Variants in PER3 observed in about 807,000 individuals in gnomAD.
The protein encoded by PER3 is period circadian protein homolog 3.
A neutral mutation model predicts 127.2 loss-of-function variants in PER3; 107 were observed. The ratio of observed to expected loss-of-function variants is 0.84; its 90% CI spans 0.72 to 0.99. The LOEUF (loss-of-function observed/expected upper bound fraction) is 0.99. Ranked by LOEUF, PER3 falls within the 50% of genes least tolerant of loss-of-function variation. The pLI is 0.00. For synonymous variants in PER3, 618 were observed against 585.8 expected (o/e 1.05, Z -0.79); for missense variants, 1,560 against 1,525.8 (o/e 1.02, Z -0.37).
At position 7,843,879 on chromosome 1, in the gene PER3, C is replaced by T; in HGVS notation, c.*1124C>T. Reference sequence around the variant, plus strand: ...TGATTGTTTACTTGATAAATCAGCTCACTCTCTGGTGCTTTTTAGAGAAGT... The same window carrying T: ...TGATTGTTTACTTGATAAATCAGCTTACTCTCTGGTGCTTTTTAGAGAAGT... On this transcript the variant is annotated 3_prime_UTR_variant, in exon 22 of 22. Transcript: ENST00000377532. 3.2e-6 allele frequency: 4 copies of T among 1,238,148 alleles called. No individual in the cohort carries two copies. The highest frequency in any genetic ancestry group is 4.2e-6 in the Non-Finnish European group (4 of 959,592). 76.7% of individuals were successfully genotyped at this position (1,238,148 alleles called of 1,614,324 possible). A position where few individuals can be genotyped will look rare whatever the true frequency, so the allele number is the denominator to read the frequency against.
chr1:7,833,330 A>G (rs1410462459), intron 19 of PER3, among the ~76,000 whole-genome samples: 3 of 152,222 alleles, frequency 2.0e-5, no homozygotes, highest in Admixed American at 2.0e-4. Flanking sequence ...CTGATTTTCT[A>G]TCTGTTTTAT....
rs568589828 is a variant in PER3, at chr1:7,819,331, T to C, written c.1569T>C (p.Asn523=). ...FTSFHQTLKN[N]SVYTEPCEDL... ...CCTTCCACCAAACACTGAAAAACAA[T>C]AGTGTGTACACTGAGCCCTGTGAGG... Residue 523 remains asparagine, a synonymous_variant, in exon 14 of 22, where the codon AAT becomes AAC. Transcript: ENST00000377532. 6 of 1,613,204 alleles carry C rather than the reference T, an allele frequency of 3.7e-6. No individual in the cohort carries two copies. The South Asian group carries it at 4.4e-5, about 12-fold the overall frequency.
At chr1:7,818,311 A>G (rs145394568) in intron 13 of PER3, among the ~76,000 whole-genome samples, 2 of 152,310 alleles carry the variant, frequency 1.3e-5, no homozygotes, top group African/African-American at 4.8e-5. Context: ...CAAGTCTAAA[A>G]TTATTTCAAA....
chr1:7,800,538 A>G (rs946882155), intron 7 of PER3, among the ~76,000 whole-genome samples: 2 of 152,144 alleles, frequency 1.3e-5, no homozygotes, highest in Non-Finnish European at 2.9e-5. Flanking sequence ...AGAACTGACC[A>G]TACCAATTTT....
intron 18 of PER3, among the ~76,000 whole-genome samples, chr1:7,829,594 A>C (rs745425469): frequency 6.6e-6 from 1 of 152,196 alleles, no homozygotes; most frequent in Non-Finnish European, 1.5e-5. Context: ...AAATAAAGGG[A>C]TGATTCCTAT....
At chr1:7,794,277 A>G (rs2150553368) in intron 6 of PER3, among the ~76,000 whole-genome samples, 1 of 152,238 alleles carries the variant, frequency 6.6e-6, no homozygotes, top group Non-Finnish European at 1.5e-5. Context: ...GGCGGATCAC[A>G]AGGTCAAGGG....
intron 13 of PER3, among the ~76,000 whole-genome samples, chr1:7,815,007 T>G (rs1159919157): frequency 1.3e-5 from 2 of 152,150 alleles, no homozygotes; most frequent in Admixed American, 6.5e-5. Flanking sequence ...AGAAACCAAA[T>G]GGACTGAAGC....
rs755032501 is a variant in PER3, at chr1:7,803,827, T to G, written c.1115T>G (p.Ile372Ser). The change falls in exon 10 of 22, where the codon ATT becomes AGT. Residue 372 changes from isoleucine to serine, a missense_variant. This residue lies in a region of PER3 where 1,332 missense variants were observed against 1,223.6 expected (regional missense o/e 1.09). Transcript: ENST00000377532. Reference protein sequence around the residue: ...NPWSRKISFIIGRHKVRTSPL... With the variant: ...NPWSRKISFISGRHKVRTSPL... ...TGGAGCCGGAAGATTTCTTTCATCA[T>G]TGGTCGGCATAAAGTTCGAACGTAA... is the stretch of plus-strand genomic sequence containing the variant. 1 of 1,613,760 alleles carries G rather than the reference T, an allele frequency of 6.2e-7. No homozygotes were observed. The highest frequency in any genetic ancestry group is 1.1e-5 in the South Asian group (1 of 90,944).
chr1:7,827,659 A>G lies in PER3; in HGVS notation c.2730A>G (p.Arg910=). The G allele has an allele frequency of 6.2e-7, 1 of 1,614,066 alleles. No homozygotes were observed. The highest frequency in any genetic ancestry group is 1.1e-5 in the South Asian group (1 of 91,082). Residue 910 remains arginine, a synonymous_variant, in exon 18 of 22, where the codon AGA becomes AGG. Coordinates refer to ENST00000377532, the MANE Select transcript of PER3 (RefSeq NM_001377275.1). ...CCCCTTCAGTCACCAGCCAAAGGAG[A>G]GAGGAGGAAAAGTGGGAGGCACAAA... ...DPPPSVTSQR[R]EEEKWEAQSE...
Position 7,784,884 on chromosome 1 carries a change from C to T in PER3, c.7C>T (p.Arg3Cys), listed in dbSNP as rs552154594. The T allele has an allele frequency of 3.4e-5, 52 of 1,508,690 alleles. 1 individual carries two copies. The East Asian group carries it at 1.2e-3, about 35-fold the overall frequency. 93.5% of individuals were successfully genotyped at this position (1,508,690 alleles called of 1,614,324 possible). The stretch of plus-strand genomic sequence containing the variant: ...GCCCCGCGGAGACCTCGAGATGCCC[C>T]GCGGGGAAGCTCCTGGCCCCGGGAG... MPRGEAPGPGRRG... is the reference protein window; with the variant it reads MPCGEAPGPGRRG... The change falls in exon 2 of 22, where the codon CGC becomes TGC. Residue 3 changes from arginine (R) to cysteine (C), a missense_variant. By Grantham distance (180) the Arg-to-Cys change is radical. Coordinates refer to ENST00000377532, the MANE Select transcript of PER3 (RefSeq NM_001377275.1).
At chr1:7,803,195 A>G (rs374988800) in intron 9 of PER3, 42 bp downstream of exon 9, 8 of 1,181,812 alleles carry the variant, frequency 6.8e-6, no homozygotes, top group Non-Finnish European at 8.9e-6. Flanking sequence ...TTTTTCTCTC[A>G]TTGATTTGTT....
chr1:7,788,319 A>C, intron 5 of PER3, 73 bp downstream of exon 5: 1 of 1,029,568 alleles, frequency 9.7e-7, no homozygotes, highest in Admixed American at 1.9e-5. Flanking sequence ...AATAGTACAG[A>C]AATTAACATA....
At chr1:7,838,021 C>A (rs1450521859) in intron 21 of PER3, among the ~76,000 whole-genome samples, 1 of 152,052 alleles carries the variant, frequency 6.6e-6, no homozygotes, top group Admixed American at 6.5e-5. Context: ...GCTATGATCT[C>A]GCCAGTGCAT....
chr1:7,833,062 A>G (rs1438165520), intron 19 of PER3, among the ~76,000 whole-genome samples: 3 of 152,116 alleles, frequency 2.0e-5, no homozygotes, highest in Admixed American at 2.0e-4. Flanking sequence ...GTTGTTTTAG[A>G]AAGGCTTAAT....
In PER3 at chr1:7,784,859, G is replaced by T; in HGVS notation, c.-19G>T. On this transcript the variant is annotated 5_prime_UTR_variant, in exon 2 of 22. Coordinates refer to ENST00000377532, the MANE Select transcript of PER3 (RefSeq NM_001377275.1). The stretch of plus-strand genomic sequence containing the variant: ...GCGGGCCGTCCCAGCACGACGTGGA[G>T]CCCCGCGGAGACCTCGAGATGCCCC... 2 of 1,471,366 alleles carry T rather than the reference G, an allele frequency of 1.4e-6. No homozygotes were observed. Among genetic ancestry groups the T allele is most frequent in the Admixed American group, 3.0e-5 (1 of 33,136 alleles). The allele number at this position is 1,471,366 out of a possible 1,614,324, so 91.1% of individuals were successfully genotyped here. A position where few individuals can be genotyped will look rare whatever the true frequency, so the allele number is the denominator to read the frequency against.
chr1:7,787,304 T>TC (rs1361764141), intron 4 of PER3: 6 of 242,368 alleles, frequency 2.5e-5, no homozygotes, highest in African/African-American at 1.4e-4. Flanking sequence ...TAGTATATCT[T>TC]TTTTAATCTC....
intron 18 of PER3, 67 bp downstream of exon 18, chr1:7,827,882 C>A: frequency 1.6e-6 from 2 of 1,261,644 alleles, no homozygotes; most frequent in Non-Finnish European, 2.2e-6. Flanking sequence ...AAGGTGGTTG[C>A]GTTGGGACTC....
At chr1:7,804,315 T>C (rs969568842) in intron 10 of PER3, among the ~76,000 whole-genome samples, 3 of 151,242 alleles carry the variant, frequency 2.0e-5, no homozygotes, top group African/African-American at 4.9e-5. Flanking sequence ...TTCTTTCTTT[T>C]TTTTTTTTTT....
intron 4 of PER3, chr1:7,787,476 T>C (rs1319239882): frequency 4.3e-6 from 2 of 465,318 alleles, no homozygotes; most frequent in Non-Finnish European, 4.2e-6. Context: ...TACATAGTAC[T>C]GTAGGAGGTG....
Sources: allele counts gnomAD v4.1 joint callset (sites outside exome capture counted in the v4.1 genomes callset), GRCh38; gene constraint gnomAD v4.1.1; regional missense constraint gnomAD v4.1.1; transcripts MANE v1.5; gene names NCBI Gene and HGNC (gene_info 2026-07-23, HGNC 2026-07-21).